The following PRKCB variants were observed in gnomAD, a reference collection of about 807,000 sequenced individuals.
PRKCB encodes protein kinase C beta, also known as protein kinase C beta type.
PRKCB carries 13 observed loss-of-function variants against 81.5 expected under a neutral mutation model. The ratio of observed to expected loss-of-function variants is 0.16; its 90% CI spans 0.10 to 0.25. PRKCB has a LOEUF of 0.25. PRKCB is among the 10% of genes least tolerant of loss of function. The pLI is 1.00. For missense variants in PRKCB, 509 were observed against 875.7 expected (o/e 0.58, Z 5.29); for synonymous variants, 335 against 321.4 (o/e 1.04, Z -0.45).
At chr16:24,211,557 C>CTT (rs34318557) in intron 16 of PRKCB, among the ~76,000 whole-genome samples, 3,307 of 130,426 alleles carry the variant, frequency 0.025, 138 homozygotes, top group African/African-American at 0.087. Context: ...TACAGACTCA[C>CTT]TTTTTTTTTT....
intron 2 of PRKCB, chr16:23,962,990 A>C (rs1011753048): frequency 6.6e-6 from 1 of 152,164 alleles, no homozygotes. Flanking sequence ...GTGAGAATAT[A>C]TGGTATTTGG....
intron 5 of PRKCB, among the ~76,000 whole-genome samples, chr16:24,051,519 A>G (rs1374005903): frequency 6.6e-6 from 1 of 152,178 alleles, no homozygotes; most frequent in African/African-American, 2.4e-5. Flanking sequence ...GGAATGGGCT[A>G]GCCCTGGGAC....
intron 2 of PRKCB, among the ~76,000 whole-genome samples, chr16:23,964,818 T>C (rs1189441675): frequency 6.6e-6 from 1 of 151,956 alleles, no homozygotes; most frequent in Admixed American, 6.6e-5. Flanking sequence ...TATAGGTACC[T>C]GCCCCCTCTC....
At chr16:24,181,789 A>AAAAAAG (rs1013403340) in intron 13 of PRKCB, among the ~76,000 whole-genome samples, 1 of 138,708 alleles carries the variant, frequency 7.2e-6, no homozygotes, top group Non-Finnish European at 1.6e-5. Context: ...AAAAAAAAAA[A>AAAAAAG]AAGAAGAAGA....
intron 12 of PRKCB, among the ~76,000 whole-genome samples, chr16:24,175,085 G>A (rs1430164532): frequency 6.6e-6 from 1 of 152,150 alleles, no homozygotes; most frequent in Non-Finnish European, 1.5e-5. Flanking sequence ...GGAGCAAATG[G>A]ATGATCATAG....
At chr16:23,985,044 A>T (rs952690766) in intron 2 of PRKCB, among the ~76,000 whole-genome samples, 5 of 152,196 alleles carry the variant, frequency 3.3e-5, no homozygotes, top group Non-Finnish European at 7.3e-5. Flanking sequence ...AAAATGCTTT[A>T]AAATAAATAT....
At chr16:23,982,889 C>A (rs1199234982) in intron 2 of PRKCB, among the ~76,000 whole-genome samples, 1 of 152,142 alleles carries the variant, frequency 6.6e-6, no homozygotes, top group Admixed American at 6.5e-5. Flanking sequence ...TTTCATTGCT[C>A]ACCTGGCCCC....
At chr16:24,119,748 A>G (rs1216669126) in intron 8 of PRKCB, among the ~76,000 whole-genome samples, 1 of 152,030 alleles carries the variant, frequency 6.6e-6, no homozygotes, top group African/African-American at 2.4e-5. Flanking sequence ...TGCAAATAAG[A>G]TGACCTTGTA....
At chr16:23,892,199 T>C (rs1424798468) in intron 2 of PRKCB, among the ~76,000 whole-genome samples, 1 of 150,334 alleles carries the variant, frequency 6.7e-6, no homozygotes, top group African/African-American at 2.5e-5. Flanking sequence ...CTCATTTTAA[T>C]TGGTGATAGA....
At chr16:24,059,556 A>G (rs1270456657) in intron 5 of PRKCB, among the ~76,000 whole-genome samples, 1 of 151,844 alleles carries the variant, frequency 6.6e-6, no homozygotes, top group African/African-American at 2.4e-5. Context: ...GGTCCAAGCC[A>G]CTGGGGAGGC....
intron 2 of PRKCB, among the ~76,000 whole-genome samples, chr16:23,982,864 C>G (rs1388770036): frequency 2.0e-5 from 3 of 152,124 alleles, no homozygotes; most frequent in Non-Finnish European, 2.9e-5. Context: ...AGTCCCCTAC[C>G]TGGCCGTCAG....
At chr16:24,027,820 A>T (rs1278028088) in intron 3 of PRKCB, among the ~76,000 whole-genome samples, 1 of 152,194 alleles carries the variant, frequency 6.6e-6, no homozygotes, top group Non-Finnish European at 1.5e-5. Flanking sequence ...CCCATGCTGG[A>T]GTCCAGTGGC....
chr16:24,183,230 A>G (rs3785381), intron 13 of PRKCB, among the ~76,000 whole-genome samples: 30,401 of 152,106 alleles, frequency 0.2, 3,350 homozygotes, highest in South Asian at 0.33. Context: ...GACCAGTAAA[A>G]TTGTATACAT....
intron 7 of PRKCB, 106 bp downstream of exon 7, chr16:24,094,403 C>A: frequency 7.1e-7 from 1 of 1,415,724 alleles, no homozygotes; most frequent in South Asian, 1.4e-5. Context: ...AAAACAGAGT[C>A]CCAAAGTGAA....
intron 16 of PRKCB, among the ~76,000 whole-genome samples, chr16:24,194,926 A>C (rs1439429359): frequency 6.6e-6 from 1 of 152,212 alleles, no homozygotes; most frequent in Non-Finnish European, 1.5e-5. Flanking sequence ...TACATTATCC[A>C]GGTACAGTGG....
chr16:24,049,344 G>A (rs1965811543), intron 5 of PRKCB, among the ~76,000 whole-genome samples: 1 of 138,588 alleles, frequency 7.2e-6, no homozygotes, highest in Admixed American at 7.2e-5. Context: ...GCACATCCGG[G>A]ACCTGCACCT....
intron 7 of PRKCB, 139 bp downstream of exon 7, chr16:24,094,436 T>G: frequency 3.4e-6 from 4 of 1,189,452 alleles, no homozygotes; most frequent in Non-Finnish European, 4.7e-6. Flanking sequence ...GGATCTGCCT[T>G]GCAGATATGT....
intron 5 of PRKCB, among the ~76,000 whole-genome samples, chr16:24,039,320 T>C (rs8054639): frequency 0.21 from 32,274 of 152,146 alleles, 3,823 homozygotes; most frequent in South Asian, 0.38. Flanking sequence ...CCTCTGCCTC[T>C]CATGTTCAAG....
chr16:24,086,336 G>A (rs1471785052), intron 5 of PRKCB, among the ~76,000 whole-genome samples: 1 of 152,104 alleles, frequency 6.6e-6, no homozygotes, highest in East Asian at 1.9e-4. Flanking sequence ...ACTGAAACAG[G>A]AGAGGGGCAG....
Sources: allele counts gnomAD v4.1 joint callset (sites outside exome capture counted in the v4.1 genomes callset), GRCh38; gene constraint gnomAD v4.1.1; transcripts MANE v1.5; gene names NCBI Gene and HGNC (gene_info 2026-07-23, HGNC 2026-07-21).